Variants in ETS1 observed in about 807,000 individuals in gnomAD.
The protein encoded by ETS1 is protein C-ets-1.
ETS1 carries 15 observed loss-of-function variants against 58.6 expected under a neutral mutation model. That is an observed-to-expected ratio of 0.26 (90% CI 0.17 to 0.39). The LOEUF (loss-of-function observed/expected upper bound fraction) is 0.39, where lower values mean the gene tolerates loss of function less well. Ranked by LOEUF, ETS1 falls within the 10% of genes least tolerant of loss-of-function variation. The pLI is 1.00. For synonymous variants in ETS1, 214 were observed against 218.2 expected (o/e 0.98, Z 0.17); for missense variants, 417 against 610.5 (o/e 0.68, Z 3.34).
intron 8 of ETS1, among the ~76,000 whole-genome samples, chr11:128,473,304 G>A (rs1421303334): frequency 6.6e-6 from 1 of 152,146 alleles, no homozygotes; most frequent in Non-Finnish European, 1.5e-5. Flanking sequence ...AATTATACTG[G>A]AAAAATAAAA....
chr11:128,520,627 C>G (rs1341081978), intron 3 of ETS1, among the ~76,000 whole-genome samples: 1 of 152,208 alleles, frequency 6.6e-6, no homozygotes, highest in Non-Finnish European at 1.5e-5. Flanking sequence ...CAGCTGCGCT[C>G]TCAGCATTGC....
intron 3 of ETS1, among the ~76,000 whole-genome samples, chr11:128,533,504 T>A (rs1863930136): frequency 6.6e-6 from 1 of 152,208 alleles, no homozygotes; most frequent in Non-Finnish European, 1.5e-5. Context: ...ACACCTCACC[T>A]TCTCCCCCAC....
intron 9 of ETS1, among the ~76,000 whole-genome samples, chr11:128,462,839 T>C (rs561125181): frequency 1.3e-5 from 2 of 152,328 alleles, no homozygotes; most frequent in East Asian, 3.9e-4. Flanking sequence ...GGATTAAATA[T>C]GTGACTTTAA....
intron 9 of ETS1, 137 bp from the exon 10 acceptor site, chr11:128,462,713 T>C: frequency 1.5e-6 from 1 of 671,848 alleles, no homozygotes; most frequent in Non-Finnish European, 2.5e-6. Context: ...GAGATTCATG[T>C]AGATATAGAA....
chr11:128,558,341 C>T (rs1247370341), intron 2 of ETS1, among the ~76,000 whole-genome samples: 2 of 152,124 alleles, frequency 1.3e-5, no homozygotes, highest in Non-Finnish European at 2.9e-5. Context: ...CACTACTGAG[C>T]ATCAGTCAGA....
intron 8 of ETS1, among the ~76,000 whole-genome samples, chr11:128,477,208 T>C (rs1049227457): frequency 4.6e-5 from 7 of 152,178 alleles, no homozygotes; most frequent in Admixed American, 3.3e-4. Flanking sequence ...GGCCAAGTAA[T>C]AGTGACATAG....
intron 3 of ETS1, chr11:128,521,914 C>T (rs746512523): frequency 1.3e-6 from 2 of 1,597,786 alleles, no homozygotes; most frequent in Non-Finnish European, 1.7e-6. Context: ...GCCACTCACC[C>T]GGGGAGGGGA....
At chr11:128,478,543 G>C (rs1862397904) in intron 8 of ETS1, among the ~76,000 whole-genome samples, 1 of 152,186 alleles carries the variant, frequency 6.6e-6, no homozygotes, top group Non-Finnish European at 1.5e-5. Flanking sequence ...CTCAGACCTA[G>C]AGCATAGTTT....
chr11:128,499,931 T>C (rs145187040), intron 3 of ETS1, among the ~76,000 whole-genome samples: 94 of 152,318 alleles, frequency 6.2e-4, no homozygotes, highest in Non-Finnish European at 1.1e-3. Flanking sequence ...CCCGTTTATT[T>C]AGGCTGGAAG....
intron 7 of ETS1, among the ~76,000 whole-genome samples, chr11:128,482,016 C>T (rs1271974236): frequency 6.6e-6 from 1 of 152,140 alleles, no homozygotes; most frequent in African/African-American, 2.4e-5. Context: ...GGAAAGCAAA[C>T]TGAAGAGCTT....
At chr11:128,493,147 T>C (rs986140595) in intron 3 of ETS1, among the ~76,000 whole-genome samples, 5 of 152,180 alleles carry the variant, frequency 3.3e-5, no homozygotes. Context: ...TAGCGGGAAC[T>C]GAAGAATGAG....
At chr11:128,585,100 AAAGGAAGGAAGGAAG>A (rs1864976241) in intron 1 of ETS1, among the ~76,000 whole-genome samples, 3 of 29,378 alleles carry the variant, frequency 1.0e-4, no homozygotes, top group Non-Finnish European at 1.8e-4. Context: ...GGAAAGAAAG[AAAGGAAGGAAGGAAG>A]GAAAGAAAGA....
intron 1 of ETS1, among the ~76,000 whole-genome samples, chr11:128,584,946 GAA>G (rs1318232390): frequency 5.8e-5 from 1 of 17,318 alleles, no homozygotes; most frequent in South Asian, 1.2e-3. Flanking sequence ...AGAAAAGAAA[GAA>G]AGAAAGAAAG....
intron 3 of ETS1, among the ~76,000 whole-genome samples, chr11:128,542,306 A>G (rs1235626197): frequency 6.6e-6 from 1 of 152,192 alleles, no homozygotes; most frequent in African/African-American, 2.4e-5. Context: ...CCACCAAAGC[A>G]GATGTGAGCT....
In ETS1 at chr11:128,464,783, T is replaced by A. The variant is rs1861989929; in HGVS notation, c.1124-1156A>T. On this transcript the variant is annotated intron_variant, in intron 8 of 9. Transcript: ENST00000392668. This position sits in a 1 kb window ranked among gnomAD's most constrained non-coding sequence, Gnocchi z 4.1. ...AAACAAACTTTAAGTTCCCTCTCAA[T>A]CTAAAAAAGAAATTGCCTTCATAAT... is the stretch of plus-strand genomic sequence containing the variant. Among the ~76,000 whole-genome samples the A allele has an allele frequency of 6.6e-6, 1 of 152,166 alleles. No individual in the cohort carries two copies.
At chr11:128,525,983 G>GCCA (rs1225550253) in intron 3 of ETS1, among the ~76,000 whole-genome samples, 2 of 152,172 alleles carry the variant, frequency 1.3e-5, no homozygotes. Flanking sequence ...ACTGCAGGCT[G>GCCA]GCTCTGTGAC....
chr11:128,586,742 CAG>C (rs1425961298), intron 1 of ETS1, among the ~76,000 whole-genome samples: 1 of 152,170 alleles, frequency 6.6e-6, no homozygotes, highest in Non-Finnish European at 1.5e-5. Context: ...AAGTTGGTAA[CAG>C]AGACCTTTAA....
At chr11:128,516,001 A>T (rs926764357) in intron 3 of ETS1, among the ~76,000 whole-genome samples, 3 of 152,198 alleles carry the variant, frequency 2.0e-5, no homozygotes, top group Admixed American at 2.0e-4. Flanking sequence ...GAATAGCAAT[A>T]TTTTGAGCGT....
chr11:128,464,030 T>C lies in ETS1; in HGVS notation c.1124-403A>G, dbSNP rs1861969251. On this transcript the variant is annotated intron_variant, in intron 8 of 9. Coordinates refer to ENST00000392668, the MANE Select transcript of ETS1 (RefSeq NM_001143820.2). This position sits in a 1 kb window ranked among gnomAD's most constrained non-coding sequence, Gnocchi z 4.1. The stretch of plus-strand genomic sequence containing the variant: ...AGAAACATATTAACGAAGGAATGAA[T>C]GTCTTTGCCAGTTCCAAACACAAGT... The C allele has an allele frequency of 6.2e-6, 1 of 162,462 alleles. No individual in the cohort carries two copies. 10.1% of individuals were successfully genotyped at this position (162,462 alleles called of 1,614,324 possible).
Sources: gnomAD v4.1 joint callset for allele counts (sites outside exome capture counted in the v4.1 genomes callset) on GRCh38, gnomAD v4.1.1 for gene constraint, Gnocchi (gnomAD v3.1) non-coding constraint, MANE v1.5 for transcripts, NCBI Gene and HGNC (gene_info 2026-07-23, HGNC 2026-07-21) for gene names.